Variants in HS3ST3B1 observed in about 807,000 individuals in gnomAD.
The protein encoded by HS3ST3B1 is heparan sulfate glucosamine 3-O-sulfotransferase 3B1.
In HS3ST3B1, 13 loss-of-function variants were observed where a neutral mutation model predicts 21.3. That is an observed-to-expected ratio of 0.61 (90% confidence interval 0.40 to 0.97). HS3ST3B1 has a LOEUF of 0.97. Ranked by LOEUF, HS3ST3B1 falls within the 50% of genes least tolerant of loss-of-function variation. HS3ST3B1 has a pLI of 0.00. For synonymous variants in HS3ST3B1, 234 were observed against 254.8 expected (o/e 0.92, Z 0.78); for missense variants, 459 against 554.8 (o/e 0.83, Z 1.73).
In HS3ST3B1 at chr17:14,301,200, G is replaced by T; in HGVS notation, c.-319G>T. 2.5e-6 allele frequency: 1 copy of T among 407,606 alleles called. No individual in the cohort carries two copies. Among genetic ancestry groups the T allele is most frequent in the Non-Finnish European group, 4.3e-6 (1 of 230,032 alleles). The allele number at this position is 407,606 out of a possible 1,614,324, so 25.2% of individuals were successfully genotyped here. A position where few individuals can be genotyped will look rare whatever the true frequency, so the allele number is the denominator to read the frequency against. On this transcript the variant is annotated 5_prime_UTR_variant, in exon 1 of 2. Transcript: ENST00000360954. ...GCGCACAGTCTAGAGTGGCCAGGGCGCGAGAGTGCAACGTCCTCCTGGCCC... is the reference window on the plus strand; with the variant it reads ...GCGCACAGTCTAGAGTGGCCAGGGCTCGAGAGTGCAACGTCCTCCTGGCCC...
At chr17:14,316,186 C>T (rs1025214069) in intron 1 of HS3ST3B1, among the ~76,000 whole-genome samples, 3 of 152,198 alleles carry the variant, frequency 2.0e-5, no homozygotes, top group African/African-American at 7.2e-5. Context: ...TTATTCCTCT[C>T]CCACACATCT....
At chr17:14,311,219 C>T (rs1909294361) in intron 1 of HS3ST3B1, among the ~76,000 whole-genome samples, 1 of 144,402 alleles carries the variant, frequency 6.9e-6, no homozygotes, top group Non-Finnish European at 1.5e-5. Flanking sequence ...CAGGTGCACA[C>T]CACCATGCCT....
At chr17:14,338,330 T>C (rs1910256087) in intron 1 of HS3ST3B1, among the ~76,000 whole-genome samples, 1 of 151,700 alleles carries the variant, frequency 6.6e-6, no homozygotes, top group Non-Finnish European at 1.5e-5. Flanking sequence ...TTCATCATGT[T>C]AGCCAGGACG....
intron 1 of HS3ST3B1, among the ~76,000 whole-genome samples, chr17:14,313,113 T>TATATATACATAC (rs1555548213): frequency 7.7e-6 from 1 of 129,938 alleles, no homozygotes; most frequent in Non-Finnish European, 1.6e-5. Flanking sequence ...TGTGTGTATA[T>TATATATACATAC]ATATATATAT....
At chr17:14,317,749 G>C (rs1909543161) in intron 1 of HS3ST3B1, among the ~76,000 whole-genome samples, 1 of 152,098 alleles carries the variant, frequency 6.6e-6, no homozygotes, top group Non-Finnish European at 1.5e-5. Flanking sequence ...AGGCTGGAAT[G>C]GCACATTAAA....
intron 1 of HS3ST3B1, among the ~76,000 whole-genome samples, chr17:14,314,532 T>C (rs1041799327): frequency 1.3e-5 from 2 of 152,210 alleles, no homozygotes; most frequent in Non-Finnish European, 2.9e-5. Context: ...TTGAATCTAA[T>C]ATAAAGGAAG....
Position 14,345,107 on chromosome 17 carries a change from G to A in HS3ST3B1, c.634G>A (p.Ala212Thr), listed in dbSNP as rs1446953498. 1.9e-6 allele frequency: 3 copies of A among 1,571,890 alleles called. No homozygotes were observed. The South Asian group carries it at 3.6e-5, about 19-fold the overall frequency. Residue 212 changes from alanine (A) to threonine (T), a missense_variant, in exon 2 of 2, where the codon GCG (alanine) becomes ACG (threonine). Ala to Thr is a moderately conservative substitution (Grantham distance 58, BLOSUM62 0). Coordinates refer to ENST00000360954, the MANE Select transcript of HS3ST3B1 (RefSeq NM_006041.3). ...TTACTTCGTCACGCGGGAGGCCCCT[G>A]CGCGCATCTCGGCCATGTCCAAGGA... is the stretch of plus-strand genomic sequence containing the variant. ...PSYFVTREAP[A>T]RISAMSKDTK...
chr17:14,310,938 A>G (rs1052094194), intron 1 of HS3ST3B1, among the ~76,000 whole-genome samples: 9 of 152,238 alleles, frequency 5.9e-5, no homozygotes, highest in African/African-American at 2.2e-4. Context: ...TAAAGAGAGA[A>G]AGGCAGTGAA....
chr17:14,337,493 A>G (rs1176341130), intron 1 of HS3ST3B1, among the ~76,000 whole-genome samples: 1 of 114,084 alleles, frequency 8.8e-6, no homozygotes, highest in African/African-American at 3.7e-5. Context: ...ATGCCTGGCT[A>G]ATTTTTTTTT....
Position 14,345,265 on chromosome 17 carries a change from C to G in HS3ST3B1, c.792C>G (p.Ile264Met). 7.9e-7 allele frequency: 1 copy of G among 1,258,602 alleles called. No homozygotes were observed. Among genetic ancestry groups the G allele is most frequent in the Non-Finnish European group, 1.1e-6 (1 of 891,610 alleles). The allele number at this position is 1,258,602 out of a possible 1,614,324, so 78.0% of individuals were successfully genotyped here. A position where few individuals can be genotyped will look rare whatever the true frequency, so the allele number is the denominator to read the frequency against. ...LTFKNRTAGL[I>M]DTSWSAIQIG... ...TCAAAAACAGGACAGCGGGCCTCAT[C>G]GACACGTCGTGGAGCGCCATCCAGA... The change falls in exon 2 of 2, where the codon ATC becomes ATG. Residue 264 changes from isoleucine to methionine, a missense_variant. Ile to Met is a conservative substitution (Grantham distance 10). Transcript: ENST00000360954.
At position 14,301,870 on chromosome 17, in the gene HS3ST3B1, G is replaced by A. The variant is rs1345487375; in HGVS notation, c.352G>A (p.Val118Met). 2 of 1,603,256 alleles carry A rather than the reference G, an allele frequency of 1.2e-6. No homozygotes were observed. Among genetic ancestry groups the A allele is most frequent in the South Asian group, 2.2e-5 (2 of 89,012 alleles). ...GAGCCCGGAGGAGCAGAGTCCCGAG[G>A]TGCCGGACTCCCCAAGCCCCATCTC... ...AASPEEQSPE[V>M]PDSPSPISSF... The change falls in exon 1 of 2, where the codon GTG becomes ATG. Residue 118 changes from valine to methionine, a missense_variant. Transcript: ENST00000360954.
chr17:14,323,300 T>C (rs1567639775), intron 1 of HS3ST3B1, among the ~76,000 whole-genome samples: 1 of 152,200 alleles, frequency 6.6e-6, no homozygotes, highest in Non-Finnish European at 1.5e-5. Context: ...GCTCTGCTCC[T>C]TGGGTACTGC....
chr17:14,336,786 AT>A (rs1027985497), intron 1 of HS3ST3B1, among the ~76,000 whole-genome samples: 2 of 152,250 alleles, frequency 1.3e-5, no homozygotes, highest in Non-Finnish European at 2.9e-5. Context: ...CTTTCATGGA[AT>A]TTTTTTCTTT....
chr17:14,331,375 C>T (rs774318697), intron 1 of HS3ST3B1, among the ~76,000 whole-genome samples: 11 of 152,054 alleles, frequency 7.2e-5, no homozygotes, highest in Non-Finnish European at 1.6e-4. Context: ...GGATTCTGCC[C>T]CAATGAAAGG....
intron 1 of HS3ST3B1, among the ~76,000 whole-genome samples, chr17:14,322,842 G>A (rs1909698119): frequency 6.6e-6 from 1 of 150,414 alleles, no homozygotes; most frequent in Non-Finnish European, 1.5e-5. Flanking sequence ...TGGGCCCACA[G>A]TTGCTCTGGA....
intron 1 of HS3ST3B1, among the ~76,000 whole-genome samples, chr17:14,302,627 C>T (rs1043172279): frequency 6.6e-6 from 1 of 152,040 alleles, no homozygotes; most frequent in African/African-American, 2.4e-5. Context: ...GGGTGTCAGA[C>T]CCGCCTCGCT....
At chr17:14,344,504 C>A (rs1910491282) in intron 1 of HS3ST3B1, among the ~76,000 whole-genome samples, 1 of 152,144 alleles carries the variant, frequency 6.6e-6, no homozygotes, top group Non-Finnish European at 1.5e-5. Context: ...GCTTTGTCAG[C>A]AGTCACTGTG....
chr17:14,334,005 C>T (rs994817933), intron 1 of HS3ST3B1, among the ~76,000 whole-genome samples: 1 of 152,244 alleles, frequency 6.6e-6, no homozygotes, highest in Non-Finnish European at 1.5e-5. Context: ...AGGTGATCCA[C>T]CCGCCTCAGC....
At position 14,310,566 on chromosome 17, in the gene HS3ST3B1, C is replaced by G. The variant is rs149928308; in HGVS notation, c.554+8494C>G. 5.4e-3 allele frequency among the ~76,000 whole-genome samples: 829 copies of G among 152,328 alleles called. 4 individuals are homozygous for G. The highest frequency in any genetic ancestry group is 9.3e-3 in the South Asian group (45 of 4,832). ...CGTTGCATGAGATGTTGAAGAAGTA[C>G]AAGATTTCGTTCTTCCTTCCATTAA... On this transcript the variant is annotated intron_variant, in intron 1 of 1. Transcript: ENST00000360954.
Sources: allele counts gnomAD v4.1 joint callset (sites outside exome capture counted in the v4.1 genomes callset), GRCh38; gene constraint gnomAD v4.1.1; transcripts MANE v1.5; gene names NCBI Gene and HGNC (gene_info 2026-07-23, HGNC 2026-07-21).